Variants in ANGPT4 observed in about 807,000 individuals in gnomAD.
The protein encoded by ANGPT4 is angiopoietin 4, also known as angiopoietin-4.
Under a neutral mutation model 53.0 loss-of-function variants are expected in ANGPT4, and 50 were observed. The observed-to-expected ratio is 0.94, with a 90% CI of 0.75 to 1.20. The LOEUF (loss-of-function observed/expected upper bound fraction) is 1.20. Ranked by LOEUF, ANGPT4 falls within the 50% of genes most tolerant of loss-of-function variation. ANGPT4 has a pLI of 0.00. For synonymous variants in ANGPT4, 251 were observed against 259.7 expected (o/e 0.97, Z 0.32); for missense variants, 648 against 637.1 (o/e 1.02, Z -0.18).
chr20:882,735 G>T (rs1258495485), intron 4 of ANGPT4, among the ~76,000 whole-genome samples: 1 of 152,200 alleles, frequency 6.6e-6, no homozygotes, highest in Non-Finnish European at 1.5e-5. Context: ...GTTGGCCTGA[G>T]ATTTCCAGCC....
chr20:916,133 C>A lies in ANGPT4; in HGVS notation c.82G>T (p.Glu28Ter). 2.5e-6 allele frequency: 4 copies of A among 1,614,208 alleles called. No individual in the cohort carries two copies. The highest frequency in any genetic ancestry group is 3.4e-6 in the Non-Finnish European group (4 of 1,180,016). ...AGTGTCTCGCAGCCCCTATCCGCCT[C>A]CTGCCTTGTCTGTTGAGCCACAGAC... ...TMSVAQQTRQ[E>*]ADRGCETLVV... Residue 28 changes from glutamate (E) to a stop codon, truncating the protein, a stop_gained, in exon 1 of 9, where the codon GAG becomes TAG. Transcript: ENST00000381922. LOFTEE classifies it high-confidence loss of function.
intron 1 of ANGPT4, among the ~76,000 whole-genome samples, chr20:898,962 T>C (rs1161290642): frequency 6.6e-6 from 1 of 151,730 alleles, no homozygotes; most frequent in Non-Finnish European, 1.5e-5. Flanking sequence ...CCTGGAAATC[T>C]GGCCCAAGGC....
chr20:902,442 G>A (rs1045852004), intron 1 of ANGPT4, among the ~76,000 whole-genome samples: 1 of 152,070 alleles, frequency 6.6e-6, no homozygotes, highest in African/African-American at 2.4e-5. Context: ...TGATAGCAGG[G>A]CCTGCAGCTT....
chr20:916,037 C>T lies in ANGPT4; in HGVS notation c.178G>A (p.Glu60Lys), dbSNP rs1479022644. 4 of 1,614,092 alleles carry T rather than the reference C, an allele frequency of 2.5e-6. No homozygotes were observed. In the Admixed American group the frequency reaches 6.7e-5, roughly 27 times the overall value. The change falls in exon 1 of 9, where the codon GAG (glutamate) becomes AAG (lysine). Residue 60 changes from glutamate (E) to lysine (K), a missense_variant. Coordinates refer to ENST00000381922, the MANE Select transcript of ANGPT4 (RefSeq NM_015985.4). ...AGGGTGTTGGAGTCCCTGGAGACCT[C>T]AGGCCCCGGAGGGCAGGGCTCAGAC... ...PKSEPCPPGP[E>K]VSRDSNTLQR...
In ANGPT4 at chr20:885,245, A is replaced by G. The variant is rs1981571653; in HGVS notation, c.668T>C (p.Leu223Pro). Residue 223 changes from leucine (L) to proline (P), a missense_variant, in exon 4 of 9, where the codon CTG becomes CCG. Transcript: ENST00000381922. ...GCTCTGGCGGCTCAGCGTGTTCAGC[A>G]GCTTCGCCTTCTTGCTGAGGATGCT... ...LASILSKKAK[L>P]LNTLSRQSAA... is the part of the protein sequence containing the mutation. 1 of 1,584,386 alleles carries G rather than the reference A, an allele frequency of 6.3e-7. No homozygotes were observed. The highest frequency in any genetic ancestry group is 2.3e-5 in the East Asian group (1 of 43,596).
At chr20:874,840 G>A (rs1332707554) in intron 7 of ANGPT4, among the ~76,000 whole-genome samples, 2 of 152,110 alleles carry the variant, frequency 1.3e-5, no homozygotes, top group East Asian at 1.9e-4. Flanking sequence ...AGTCTCCTGA[G>A]TAAATGGGAC....
intron 1 of ANGPT4, among the ~76,000 whole-genome samples, chr20:909,862 T>C (rs1171508427): frequency 6.6e-6 from 1 of 152,200 alleles, no homozygotes; most frequent in Admixed American, 6.5e-5. Context: ...AGACTGAGCT[T>C]CTGGAGCCCC....
At chr20:873,180 G>A in intron 8 of ANGPT4, 60 bp from the exon 9 acceptor site, 3 of 1,572,120 alleles carry the variant, frequency 1.9e-6, no homozygotes, top group South Asian at 1.1e-5. Flanking sequence ...GTGGCAAGAG[G>A]GCAGCCCCTG....
At position 906,688 on chromosome 20, in the gene ANGPT4, C is replaced by A. The variant is rs546754383; in HGVS notation, c.309+9218G>T. 4.8e-3 allele frequency among the ~76,000 whole-genome samples: 729 copies of A among 152,334 alleles called. 4 individuals carry two copies. Among genetic ancestry groups the A allele is most frequent in the African/African-American group, 0.017 (698 of 41,568 alleles). On this transcript the variant is annotated intron_variant, in intron 1 of 8. Transcript: ENST00000381922. The stretch of plus-strand genomic sequence containing the variant: ...CCCTCCTCCTCTGCCTTGCTTCTGT[C>A]CCCTGGGCCTGCACCAGGCCCTCAC...
At chr20:892,500 G>A (rs1170198622) in intron 1 of ANGPT4, among the ~76,000 whole-genome samples, 1 of 151,912 alleles carries the variant, frequency 6.6e-6, no homozygotes, top group Non-Finnish European at 1.5e-5. Flanking sequence ...GGAGACTGAG[G>A]CAGGAGGATC....
intron 7 of ANGPT4, among the ~76,000 whole-genome samples, chr20:876,612 G>T (rs541367799): frequency 2.0e-5 from 3 of 152,310 alleles, no homozygotes; most frequent in African/African-American, 7.2e-5. Context: ...TATGCCTAAA[G>T]CACCCATTCT....
intron 1 of ANGPT4, among the ~76,000 whole-genome samples, chr20:912,733 C>G (rs1982753817): frequency 6.6e-6 from 1 of 152,082 alleles, no homozygotes; most frequent in African/African-American, 2.4e-5. Flanking sequence ...CTCCCCATGC[C>G]TGATGAGCAC....
intron 3 of ANGPT4, among the ~76,000 whole-genome samples, chr20:887,968 C>T (rs1981679553): frequency 6.6e-6 from 1 of 152,006 alleles, no homozygotes; most frequent in Non-Finnish European, 1.5e-5. Flanking sequence ...ATCCCCTGTC[C>T]CACCCAGTGC....
At chr20:890,468 G>A (rs569986569) in intron 1 of ANGPT4, 100 bp from the exon 2 acceptor site, 4 of 1,107,266 alleles carry the variant, frequency 3.6e-6, no homozygotes, top group African/African-American at 3.1e-5. Flanking sequence ...GCCACTTGAG[G>A]CCTCCCTGGC....
rs1982857344 is a variant in ANGPT4, at chr20:914,809, C to T, written c.309+1097G>A. 6.6e-6 allele frequency among the ~76,000 whole-genome samples: 1 copy of T among 152,118 alleles called. No individual in the cohort carries two copies. The highest frequency in any genetic ancestry group is 1.5e-5 in the Non-Finnish European group (1 of 68,004). On this transcript the variant is annotated intron_variant, in intron 1 of 8. Transcript: ENST00000381922. The surrounding 1 kb of genome is among the most constrained non-coding windows in gnomAD (Gnocchi z 5.0). ...CCCCGCCAGGGCCAAGCCTGCTTTG[C>T]ACACCTCTGTAGTCAGTGCTTCTCC...
intron 1 of ANGPT4, among the ~76,000 whole-genome samples, chr20:891,858 T>G (rs888331504): frequency 1.3e-5 from 2 of 152,164 alleles, no homozygotes; most frequent in Non-Finnish European, 2.9e-5. Flanking sequence ...TTTCTCCAAG[T>G]GTGGTTCTTC....
At position 879,826 on chromosome 20, in the gene ANGPT4, C is replaced by T. The variant is rs199734298; in HGVS notation, c.974G>A (p.Ser325Asn). 4.3e-6 allele frequency: 7 copies of T among 1,613,514 alleles called. No individual in the cohort carries two copies. The East Asian group carries it at 1.3e-4, about 31-fold the overall frequency. ...PRKVFCDLQS[S>N]GGRWTLIQRR... ...CTGGATGAGGGTCCACCTGCCTCCACTGCTCTGCAGGTCACAGAACACCTG... is the reference window on the plus strand; with the variant it reads ...CTGGATGAGGGTCCACCTGCCTCCATTGCTCTGCAGGTCACAGAACACCTG... Residue 325 changes from serine (S) to asparagine (N), a missense_variant, in exon 6 of 9, where the codon AGT (serine) becomes AAT (asparagine). Coordinates refer to ENST00000381922, the MANE Select transcript of ANGPT4 (RefSeq NM_015985.4).
At chr20:873,647 A>G (rs914729651) in intron 8 of ANGPT4, among the ~76,000 whole-genome samples, 2 of 148,846 alleles carry the variant, frequency 1.3e-5, no homozygotes, top group Non-Finnish European at 3.0e-5. Flanking sequence ...CCCATCTTTC[A>G]CATGCTGTGT....
chr20:899,814 G>A (rs1003573970), intron 1 of ANGPT4, among the ~76,000 whole-genome samples: 1 of 152,114 alleles, frequency 6.6e-6, no homozygotes, highest in Non-Finnish European at 1.5e-5. Context: ...CTTCATCCCA[G>A]CCTCTCTTCG....
Sources: gnomAD v4.1 joint callset for allele counts (sites outside exome capture counted in the v4.1 genomes callset) on GRCh38, gnomAD v4.1.1 for gene constraint, Gnocchi (gnomAD v3.1) non-coding constraint, MANE v1.5 for transcripts, NCBI Gene and HGNC (gene_info 2026-07-23, HGNC 2026-07-21) for gene names.